Variants in IFI27L1 observed in about 807,000 individuals in gnomAD.
IFI27L1 encodes interferon alpha-inducible protein 27-like protein 1.
In IFI27L1, 3 loss-of-function variants were observed where a neutral mutation model predicts 9.2. The ratio of observed to expected loss-of-function variants is 0.32; its 90% CI spans 0.15 to 0.84. IFI27L1 has a LOEUF of 0.84. Among genes scored for constraint, IFI27L1 ranks in the 40% least tolerant of loss-of-function variants. IFI27L1 has a pLI of 0.56. For synonymous variants in IFI27L1, 53 were observed against 50.0 expected (o/e 1.06, Z -0.26); for missense variants, 133 against 134.2 (o/e 0.99, Z 0.05).
At chr14:94,090,608 T>C (rs1313540181) in intron 1 of IFI27L1, among the ~76,000 whole-genome samples, 1 of 152,202 alleles carries the variant, frequency 6.6e-6, no homozygotes, top group African/African-American at 2.4e-5. Flanking sequence ...TCAAGATAAC[T>C]TGGGGCTCTT....
chr14:94,088,280 AC>A, intron 1 of IFI27L1: 1 of 702,334 alleles, frequency 1.4e-6, no homozygotes, highest in South Asian at 1.5e-5. Flanking sequence ...TCCATTTCTT[AC>A]GTTACTATGC....
In IFI27L1 at chr14:94,101,943, C is replaced by T. The variant is rs1886915826; in HGVS notation, c.191C>T (p.Ala64Val). 1.2e-6 allele frequency: 2 copies of T among 1,614,138 alleles called. No individual in the cohort carries two copies. Among genetic ancestry groups the T allele is most frequent in the South Asian group, 2.2e-5 (2 of 91,094 alleles). The part of the protein sequence containing the change: ...AAIANGGGVA[A>V]GSLVAILQSV... ...ATTGCCAACGGGGGCGGAGTTGCTGCTGGCAGTCTGGTGGCTATTCTGCAG... is the reference window on the plus strand; with the variant it reads ...ATTGCCAACGGGGGCGGAGTTGCTGTTGGCAGTCTGGTGGCTATTCTGCAG... Residue 64 changes from alanine (A) to valine (V), a missense_variant, in exon 4 of 5, where the codon GCT (alanine) becomes GTT (valine). Physicochemically the swap from Ala to Val is moderately conservative, Grantham distance 64. Coordinates refer to ENST00000555523, the MANE Select transcript of IFI27L1 (RefSeq NM_206949.3).
At chr14:94,101,245 G>C (rs1418370983) in intron 3 of IFI27L1, 2 of 246,558 alleles carry the variant, frequency 8.1e-6, no homozygotes, top group South Asian at 1.7e-4. Context: ...AAATCATAAT[G>C]TTTCTCTGTC....
intron 1 of IFI27L1, among the ~76,000 whole-genome samples, chr14:94,082,032 T>C (rs570942900): frequency 6.6e-6 from 1 of 152,320 alleles, no homozygotes; most frequent in South Asian, 2.1e-4. Context: ...AAAGCTAGGC[T>C]GAAAGTTTGC....
intron 1 of IFI27L1, among the ~76,000 whole-genome samples, chr14:94,082,149 G>A (rs1886128516): frequency 6.6e-6 from 1 of 152,170 alleles, no homozygotes; most frequent in African/African-American, 2.4e-5. Flanking sequence ...ACAGTTTATT[G>A]CTGATTTGGA....
chr14:94,097,409 G>C (rs4905162), intron 2 of IFI27L1: 206,221 of 578,338 alleles, frequency 0.36, 38,157 homozygotes, highest in East Asian at 0.51. Flanking sequence ...ATGTGTGCCT[G>C]AGAGCCCCTC....
intron 2 of IFI27L1, among the ~76,000 whole-genome samples, chr14:94,098,086 G>T (rs1182531732): frequency 1.3e-5 from 2 of 152,192 alleles, no homozygotes; most frequent in African/African-American, 4.8e-5. Flanking sequence ...TATGGCAGGG[G>T]GAAATGTGGA....
intron 2 of IFI27L1, among the ~76,000 whole-genome samples, chr14:94,099,614 C>A (rs143063453): frequency 6.6e-6 from 1 of 152,238 alleles, no homozygotes; most frequent in Non-Finnish European, 1.5e-5. Context: ...GGATTGTGGA[C>A]TTCCAGCCTC....
At chr14:94,096,769 GTT>G in intron 1 of IFI27L1, 116 bp from the exon 2 acceptor site, 1 of 574,506 alleles carries the variant, frequency 1.7e-6, no homozygotes. Flanking sequence ...GGGATTATAT[GTT>G]TTATATGATA....
At chr14:94,084,977 CA>C (rs1193038041) in intron 1 of IFI27L1, among the ~76,000 whole-genome samples, 2 of 151,498 alleles carry the variant, frequency 1.3e-5, no homozygotes, top group Non-Finnish European at 2.9e-5. Flanking sequence ...GCCTGAGTGA[CA>C]AAGCAAGACC....
At chr14:94,084,181 G>A (rs1886203635) in intron 1 of IFI27L1, among the ~76,000 whole-genome samples, 1 of 152,150 alleles carries the variant, frequency 6.6e-6, no homozygotes, top group African/African-American at 2.4e-5. Context: ...TACAGCTAAT[G>A]TTACAGAGCT....
Position 94,100,777 on chromosome 14 carries a change from T to A in IFI27L1, c.61+6T>A, listed in dbSNP as rs1886865215. 6.2e-7 allele frequency: 1 copy of A among 1,612,964 alleles called. No individual in the cohort carries two copies. Reference sequence around the variant, plus strand: ...AGCAGCTGTGGTCGGAGGAGGTGAGTCTCTATGGGAAGGAACTCAAGCCCC... The same window carrying A: ...AGCAGCTGTGGTCGGAGGAGGTGAGACTCTATGGGAAGGAACTCAAGCCCC... On this transcript the variant is annotated splice_donor_region_variant and intron_variant, in intron 3 of 4. Transcript: ENST00000555523.
At chr14:94,088,415 C>A (rs550185077) in intron 1 of IFI27L1, 1 of 696,054 alleles carries the variant, frequency 1.4e-6, no homozygotes, top group African/African-American at 1.8e-5. Context: ...CTTGGTGGCC[C>A]ACTTTTAGGG....
chr14:94,092,939 C>T (rs900209450), intron 1 of IFI27L1, among the ~76,000 whole-genome samples: 6 of 152,192 alleles, frequency 3.9e-5, no homozygotes, highest in Non-Finnish European at 8.8e-5. Context: ...TCAAGCGATT[C>T]TCCTGCCCCT....
chr14:94,091,697 A>T (rs1355118828), intron 1 of IFI27L1, among the ~76,000 whole-genome samples: 1 of 139,870 alleles, frequency 7.1e-6, no homozygotes, highest in Non-Finnish European at 1.5e-5. Flanking sequence ...ATAACTCAGA[A>T]TTTTTTAAAA....
In IFI27L1 at chr14:94,100,740, C is replaced by T; in HGVS notation, c.30C>T (p.Gly10=). Residue 10 remains glycine, a splice_region_variant and synonymous_variant, in exon 3 of 5, where the codon GGC becomes GGT. Coordinates refer to ENST00000555523, the MANE Select transcript of IFI27L1 (RefSeq NM_206949.3). MGKESGWDS[G]RAAVAAVVGG... The stretch of plus-strand genomic sequence containing the variant: ...TGTTGTTGTTGTTTTTGTCTCCAGG[C>T]AGGGCTGCTGTAGCAGCTGTGGTCG... The T allele has an allele frequency of 6.2e-7, 1 of 1,613,430 alleles. No homozygotes were observed. The highest frequency in any genetic ancestry group is 8.5e-7 in the Non-Finnish European group (1 of 1,179,934).
intron 1 of IFI27L1, among the ~76,000 whole-genome samples, chr14:94,094,367 G>T (rs1886592871): frequency 6.6e-6 from 1 of 152,132 alleles, no homozygotes; most frequent in Non-Finnish European, 1.5e-5. Context: ...CCTTCAGGAT[G>T]ACAAGTGGCC....
At chr14:94,089,546 GTCT>G (rs1886399257) in intron 1 of IFI27L1, among the ~76,000 whole-genome samples, 1 of 152,172 alleles carries the variant, frequency 6.6e-6, no homozygotes, top group South Asian at 2.1e-4. Flanking sequence ...GGTTTGGGCT[GTCT>G]TCTTTACTGC....
intron 1 of IFI27L1, among the ~76,000 whole-genome samples, chr14:94,093,996 A>G (rs367963086): frequency 6.6e-6 from 1 of 152,210 alleles, no homozygotes; most frequent in South Asian, 2.1e-4. Flanking sequence ...TCTGCTTGGG[A>G]TATCCTCTAA....
Sources: gnomAD v4.1 joint callset for allele counts (sites outside exome capture counted in the v4.1 genomes callset) on GRCh38, gnomAD v4.1.1 for gene constraint, MANE v1.5 for transcripts, NCBI Gene and HGNC (gene_info 2026-07-23, HGNC 2026-07-21) for gene names.